Variants in RORA observed in about 807,000 individuals in gnomAD.
RORA encodes the protein nuclear receptor ROR-alpha.
RORA carries 7 observed loss-of-function variants against 69.5 expected under a neutral mutation model. The observed-to-expected ratio is 0.10, with a 90% confidence interval of 0.06 to 0.19. RORA has a LOEUF of 0.19. RORA is among the 10% of genes least tolerant of loss of function. The pLI is 1.00. For missense variants in RORA, 457 were observed against 663.0 expected, an observed-to-expected ratio of 0.69 and a Z score of 3.41; for synonymous variants, 261 against 240.8, an observed-to-expected ratio of 1.08 and a Z score of -0.78.
chr15:60,978,861 G>A (rs145773311), intron 1 of RORA, among the ~76,000 whole-genome samples: 15 of 151,722 alleles, frequency 9.9e-5, no homozygotes, highest in African/African-American at 1.7e-4. Context: ...CTATTCCATC[G>A]GTCCATATGT....
intron 10 of RORA, among the ~76,000 whole-genome samples, chr15:60,499,384 AAATT>A: frequency 6.6e-6 from 1 of 152,220 alleles, no homozygotes; most frequent in Non-Finnish European, 1.5e-5. Flanking sequence ...AATAATTAAT[AAATT>A]AGCCAAGTGT....
At chr15:61,177,241 G>A (rs866296679) in intron 1 of RORA, among the ~76,000 whole-genome samples, 2 of 152,198 alleles carry the variant, frequency 1.3e-5, no homozygotes, top group Non-Finnish European at 2.9e-5. Context: ...ATCCAAGTGA[G>A]CACAAAGGCA....
At chr15:61,142,620 C>A (rs1187641116) in intron 1 of RORA, among the ~76,000 whole-genome samples, 1 of 152,096 alleles carries the variant, frequency 6.6e-6, no homozygotes, top group East Asian at 1.9e-4. Context: ...CAAACATGAG[C>A]AGACAGAATC....
At chr15:60,508,947 T>TC (rs1251433421) in intron 5 of RORA, among the ~76,000 whole-genome samples, 1 of 152,252 alleles carries the variant, frequency 6.6e-6, no homozygotes, top group African/African-American at 2.4e-5. Context: ...GTCATATTTT[T>TC]CACTAAAAGT....
chr15:60,831,493 T>A (rs2073041677), intron 1 of RORA, among the ~76,000 whole-genome samples: 2 of 152,128 alleles, frequency 1.3e-5, no homozygotes, highest in Admixed American at 1.3e-4. Flanking sequence ...CAATGGAAAA[T>A]CTTCCCTGGA....
chr15:60,945,908 A>G (rs555870269), intron 1 of RORA, among the ~76,000 whole-genome samples: 1 of 152,290 alleles, frequency 6.6e-6, no homozygotes, highest in East Asian at 1.9e-4. Context: ...ACTTTTTCAC[A>G]CAGGTGATGA....
intron 1 of RORA, among the ~76,000 whole-genome samples, chr15:60,804,421 T>C (rs2072630875): frequency 6.6e-6 from 1 of 151,972 alleles, no homozygotes; most frequent in Non-Finnish European, 1.5e-5. Context: ...ACACGAATCC[T>C]CTTCATTTGA....
intron 1 of RORA, among the ~76,000 whole-genome samples, chr15:60,867,099 C>A (rs775411543): frequency 6.6e-6 from 1 of 152,164 alleles, no homozygotes; most frequent in Non-Finnish European, 1.5e-5. Flanking sequence ...CTCCTGGGCT[C>A]AAGTGATCTG....
chr15:60,961,882 A>G (rs993974109), intron 1 of RORA, among the ~76,000 whole-genome samples: 4 of 152,200 alleles, frequency 2.6e-5, no homozygotes, highest in African/African-American at 9.7e-5. Context: ...TAACTGACAC[A>G]GGCACCACAT....
intron 1 of RORA, among the ~76,000 whole-genome samples, chr15:61,032,318 T>G (rs1896215619): frequency 6.6e-6 from 1 of 152,156 alleles, no homozygotes; most frequent in African/African-American, 2.4e-5. Flanking sequence ...GAATGGTATA[T>G]CTCCCCCAAT....
At chr15:61,049,381 G>C (rs964718051) in intron 1 of RORA, among the ~76,000 whole-genome samples, 1 of 152,002 alleles carries the variant, frequency 6.6e-6, no homozygotes, top group Non-Finnish European at 1.5e-5. Context: ...AAATTCTTTC[G>C]GTGGACAAAC....
At chr15:60,960,416 A>G (rs2140342261) in intron 1 of RORA, among the ~76,000 whole-genome samples, 1 of 152,286 alleles carries the variant, frequency 6.6e-6, no homozygotes, top group South Asian at 2.1e-4. Context: ...ATAGCACTTG[A>G]GATAGACACA....
chr15:60,756,717 T>C (rs2071806691), intron 1 of RORA, among the ~76,000 whole-genome samples: 1 of 152,192 alleles, frequency 6.6e-6, no homozygotes, highest in Non-Finnish European at 1.5e-5. Flanking sequence ...AAATGTAAGC[T>C]TTTCTAGCAT....
chr15:60,532,753 A>G (rs2066563740), intron 2 of RORA, among the ~76,000 whole-genome samples: 1 of 152,248 alleles, frequency 6.6e-6, no homozygotes, highest in Non-Finnish European at 1.5e-5. Context: ...ATAAAGACCA[A>G]TGCTGAGCTG....
intron 2 of RORA, among the ~76,000 whole-genome samples, chr15:60,557,699 A>ACTTC (rs1275158892): frequency 6.6e-6 from 1 of 152,206 alleles, no homozygotes; most frequent in East Asian, 1.9e-4. Context: ...TCTCTCAAAG[A>ACTTC]ATATAATGAA....
chr15:60,907,053 G>C (rs1172935038), intron 1 of RORA, among the ~76,000 whole-genome samples: 2 of 152,152 alleles, frequency 1.3e-5, no homozygotes, highest in African/African-American at 2.4e-5. Context: ...CCGATTTTCT[G>C]ACTCTGAGGC....
At chr15:61,106,813 C>A (rs8024672) in intron 1 of RORA, among the ~76,000 whole-genome samples, 2,568 of 152,288 alleles carry the variant, frequency 0.017, 66 homozygotes, top group East Asian at 0.088. Flanking sequence ...GCAGGTTTAA[C>A]ACAAATGCAT....
intron 1 of RORA, among the ~76,000 whole-genome samples, chr15:61,123,007 C>A (rs919586278): frequency 1.3e-5 from 2 of 152,124 alleles, no homozygotes; most frequent in African/African-American, 4.8e-5. Flanking sequence ...GTACATTTTT[C>A]CTCATAAGAA....
intron 1 of RORA, among the ~76,000 whole-genome samples, chr15:60,967,382 C>G (rs1387931837): frequency 6.6e-6 from 1 of 152,184 alleles, no homozygotes; most frequent in Non-Finnish European, 1.5e-5. Context: ...AATTGGGAAT[C>G]AGCATCAACA....
Sources: allele counts gnomAD v4.1 joint callset (sites outside exome capture counted in the v4.1 genomes callset), GRCh38; gene constraint gnomAD v4.1.1; transcripts MANE v1.5; gene names NCBI Gene and HGNC (gene_info 2026-07-23, HGNC 2026-07-21).